Variants in NCAM2 observed in about 807,000 individuals in gnomAD.
The protein encoded by NCAM2 is neural cell adhesion molecule 2.
Under a neutral mutation model 98.1 loss-of-function variants are expected in NCAM2, and 30 were observed. The observed-to-expected ratio is 0.31, with a 90% confidence interval of 0.23 to 0.41. NCAM2 has a LOEUF of 0.41. Among genes scored for constraint, NCAM2 ranks in the 10% least tolerant of loss-of-function variants. The pLI, the probability that NCAM2 is intolerant of heterozygous loss-of-function variation, is 1.00. For synonymous variants in NCAM2, 368 were observed against 342.4 expected, an observed-to-expected ratio of 1.07 and a Z score of -0.83; for missense variants, 867 against 1,005.8, an observed-to-expected ratio of 0.86 and a Z score of 1.87.
At chr21:21,250,368 G>A (rs1475677614) in intron 1 of NCAM2, among the ~76,000 whole-genome samples, 1 of 152,182 alleles carries the variant, frequency 6.6e-6, no homozygotes, top group African/African-American at 2.4e-5. Flanking sequence ...GAGAAAAGTT[G>A]CTGTTGACAT....
At chr21:21,349,903 G>T (rs1171584149) in intron 8 of NCAM2, among the ~76,000 whole-genome samples, 1 of 152,092 alleles carries the variant, frequency 6.6e-6, no homozygotes, top group African/African-American at 2.4e-5. Context: ...GATAATAGAA[G>T]AATGGTAACC....
intron 1 of NCAM2, among the ~76,000 whole-genome samples, chr21:21,274,091 C>A (rs8132875): frequency 6.6e-6 from 1 of 151,870 alleles, no homozygotes; most frequent in Non-Finnish European, 1.5e-5. Flanking sequence ...ACTTGAAGCC[C>A]GGAAGCTGAG....
At chr21:21,030,531 C>G (rs1294550669) in intron 1 of NCAM2, among the ~76,000 whole-genome samples, 1 of 152,212 alleles carries the variant, frequency 6.6e-6, no homozygotes, top group Non-Finnish European at 1.5e-5. Flanking sequence ...ATCTCCCCAT[C>G]TCACGATTCG....
At chr21:21,298,856 T>C (rs564117046) in intron 5 of NCAM2, among the ~76,000 whole-genome samples, 2 of 151,664 alleles carry the variant, frequency 1.3e-5, no homozygotes, top group South Asian at 4.2e-4. Flanking sequence ...CCTGATTAAA[T>C]ATATGGCAGA....
chr21:21,521,313 T>C (rs1293702288), intron 16 of NCAM2, among the ~76,000 whole-genome samples: 1 of 152,092 alleles, frequency 6.6e-6, no homozygotes. Flanking sequence ...CCCCACACAT[T>C]ACCTCCAAAT....
intron 1 of NCAM2, among the ~76,000 whole-genome samples, chr21:21,259,590 G>A (rs1371054032): frequency 6.6e-6 from 1 of 152,074 alleles, no homozygotes; most frequent in Non-Finnish European, 1.5e-5. Context: ...CTACTGAACT[G>A]GAGCCCAAAA....
chr21:21,508,267 G>A (rs1198469093), intron 15 of NCAM2, among the ~76,000 whole-genome samples: 2 of 152,024 alleles, frequency 1.3e-5, no homozygotes, highest in South Asian at 2.1e-4. Flanking sequence ...AGAAATACAG[G>A]TGATCCATTT....
chr21:21,508,596 A>G (rs896965265), intron 15 of NCAM2, among the ~76,000 whole-genome samples: 1 of 151,932 alleles, frequency 6.6e-6, no homozygotes, highest in Non-Finnish European at 1.5e-5. Context: ...TTAATAAAAA[A>G]AAAAGAAGTT....
intron 1 of NCAM2, among the ~76,000 whole-genome samples, chr21:21,132,828 A>G (rs2066963988): frequency 6.6e-6 from 1 of 152,202 alleles, no homozygotes; most frequent in African/African-American, 2.4e-5. Context: ...GAATAACCAC[A>G]TAACCACTGC....
intron 15 of NCAM2, among the ~76,000 whole-genome samples, chr21:21,503,486 T>A (rs1460597808): frequency 1.3e-5 from 2 of 151,830 alleles, no homozygotes; most frequent in Non-Finnish European, 2.9e-5. Flanking sequence ...CAGAGAGGAA[T>A]AGCAAGATAT....
At chr21:21,402,852 G>A (rs567008656) in intron 9 of NCAM2, among the ~76,000 whole-genome samples, 51 of 152,022 alleles carry the variant, frequency 3.4e-4, no homozygotes, top group East Asian at 5.8e-4. Flanking sequence ...AGGTAGTTCC[G>A]TTTTTAATTT....
chr21:21,007,703 C>T (rs973036692), intron 1 of NCAM2, among the ~76,000 whole-genome samples: 17 of 152,058 alleles, frequency 1.1e-4, no homozygotes, highest in Non-Finnish European at 2.2e-4. Context: ...TGAGGATGAC[C>T]AGAGGTCACT....
At chr21:21,084,854 G>C (rs141049073) in intron 1 of NCAM2, among the ~76,000 whole-genome samples, 29 of 152,164 alleles carry the variant, frequency 1.9e-4, no homozygotes, top group African/African-American at 6.3e-4. Context: ...TTTATACTTA[G>C]GGCTTATAGT....
intron 12 of NCAM2, among the ~76,000 whole-genome samples, chr21:21,452,452 G>T (rs1284226427): frequency 7.3e-6 from 1 of 137,738 alleles, no homozygotes; most frequent in Non-Finnish European, 1.5e-5. Flanking sequence ...ATTGTCGGGG[G>T]GGAAGATGTA....
intron 5 of NCAM2, among the ~76,000 whole-genome samples, chr21:21,316,702 C>T (rs574515349): frequency 7.9e-5 from 12 of 151,978 alleles, no homozygotes; most frequent in African/African-American, 2.4e-4. Flanking sequence ...TACCACCACG[C>T]TCAGCTAATT....
intron 1 of NCAM2, among the ~76,000 whole-genome samples, chr21:21,004,281 C>T (rs867279808): frequency 6.6e-6 from 1 of 152,302 alleles, no homozygotes; most frequent in South Asian, 2.1e-4. Flanking sequence ...TCAGCACCTT[C>T]TAACAGTACC....
intron 1 of NCAM2, among the ~76,000 whole-genome samples, chr21:21,025,743 G>A (rs76885222): frequency 0.012 from 1,837 of 152,214 alleles, 31 homozygotes; most frequent in African/African-American, 0.042. Flanking sequence ...CAAAGGATAT[G>A]GTATTGCTGA....
chr21:21,322,619 T>G (rs1217388084), intron 5 of NCAM2, among the ~76,000 whole-genome samples: 27 of 152,056 alleles, frequency 1.8e-4, no homozygotes, highest in Admixed American at 1.8e-3. Flanking sequence ...TGTGCTTGAG[T>G]GGAGTTAGTT....
At chr21:21,158,439 C>T (rs2067678872) in intron 1 of NCAM2, among the ~76,000 whole-genome samples, 1 of 151,882 alleles carries the variant, frequency 6.6e-6, no homozygotes, top group African/African-American at 2.4e-5. Flanking sequence ...GGTGAAATCC[C>T]GTCTCTACTA....
Sources: gnomAD v4.1 joint callset for allele counts (sites outside exome capture counted in the v4.1 genomes callset) on GRCh38, gnomAD v4.1.1 for gene constraint, MANE v1.5 for transcripts, NCBI Gene and HGNC (gene_info 2026-07-23, HGNC 2026-07-21) for gene names.